VPS41: variants seen among roughly 807,000 people sequenced by gnomAD.
VPS41 encodes the protein vacuolar protein sorting-associated protein 41 homolog.
Under a neutral mutation model 130.9 loss-of-function variants are expected in VPS41, and 85 were observed. That is an observed-to-expected ratio of 0.65 (90% CI 0.55 to 0.78). The LOEUF (loss-of-function observed/expected upper bound fraction) is 0.78, where lower values mean the gene tolerates loss of function less well. Ranked by LOEUF, VPS41 falls within the 30% of genes least tolerant of loss-of-function variation. The probability of loss-of-function intolerance (pLI) is 0.00; values close to 1 mark genes in which losing one functional copy is unlikely to be tolerated. For missense variants in VPS41, 874 were observed against 1,018.7 expected (o/e 0.86, Z 1.93); for synonymous variants, 335 against 332.9 (o/e 1.01, Z -0.07).
At chr7:38,774,325 A>G (rs1784213947) in intron 11 of VPS41, 81 bp from the exon 12 acceptor site, 2 of 1,318,524 alleles carry the variant, frequency 1.5e-6, no homozygotes, top group Admixed American at 4.7e-5. Context: ...AGCCATACAT[A>G]TTAGTTTCTT....
At chr7:38,908,683 T>C (rs1191692986) in intron 1 of VPS41, among the ~76,000 whole-genome samples, 1 of 152,214 alleles carries the variant, frequency 6.6e-6, no homozygotes. Flanking sequence ...ATGCATTTAA[T>C]CCCTGCTGCA....
intron 2 of VPS41, among the ~76,000 whole-genome samples, chr7:38,887,730 G>A (rs1311199375): frequency 6.6e-6 from 1 of 152,138 alleles, no homozygotes; most frequent in Non-Finnish European, 1.5e-5. Flanking sequence ...ATAATTGTCA[G>A]ATTCACCAAG....
rs200023624 is a variant in VPS41 at position 38,726,222 on chromosome 7, A to T, written c.*24T>A. The T allele has an allele frequency of 3.4e-5, 53 of 1,559,310 alleles. No individual in the cohort carries two copies. In the Admixed American group the frequency reaches 4.5e-4, roughly 13 times the overall value. On this transcript the variant is annotated 3_prime_UTR_variant, in exon 29 of 29. Transcript: ENST00000310301. ...AACAGTCTCAAAAAGAGTGGTGACAAGGAGACTGACAAGGAGAAATGAGCT... is the reference window on the plus strand; with the variant it reads ...AACAGTCTCAAAAAGAGTGGTGACATGGAGACTGACAAGGAGAAATGAGCT...
intron 4 of VPS41, among the ~76,000 whole-genome samples, chr7:38,848,123 G>A (rs1172314972): frequency 6.6e-6 from 1 of 152,158 alleles, no homozygotes; most frequent in Non-Finnish European, 1.5e-5. Flanking sequence ...CATTTTCCAA[G>A]CAGTCTCTCA....
At chr7:38,814,316 C>A (rs1784996678) in intron 7 of VPS41, among the ~76,000 whole-genome samples, 1 of 152,192 alleles carries the variant, frequency 6.6e-6, no homozygotes, top group Non-Finnish European at 1.5e-5. Context: ...GTATCCCTTG[C>A]AGCAGAAAAG....
intron 4 of VPS41, among the ~76,000 whole-genome samples, chr7:38,859,739 C>T (rs879542468): frequency 7.2e-5 from 11 of 152,152 alleles, no homozygotes; most frequent in Admixed American, 2.0e-4. Flanking sequence ...ATGCATCCCA[C>T]TGTTAAACGA....
At chr7:38,804,851 G>A (rs1784808407) in intron 7 of VPS41, among the ~76,000 whole-genome samples, 1 of 152,306 alleles carries the variant, frequency 6.6e-6, no homozygotes, top group Middle Eastern at 3.4e-3. Flanking sequence ...CACTTTCTAA[G>A]TAATTTTACC....
intron 14 of VPS41, among the ~76,000 whole-genome samples, chr7:38,769,898 T>C (rs1008150880): frequency 1.2e-4 from 18 of 152,176 alleles, no homozygotes; most frequent in African/African-American, 4.1e-4. Flanking sequence ...TTAAATTGAC[T>C]TCTAGATGTT....
At chr7:38,848,847 C>T (rs768041780) in intron 4 of VPS41, among the ~76,000 whole-genome samples, 3 of 152,180 alleles carry the variant, frequency 2.0e-5, no homozygotes, top group Non-Finnish European at 4.4e-5. Flanking sequence ...TATATCACCA[C>T]TGCTCTTTCT....
chr7:38,752,409 C>G, intron 21 of VPS41, 96 bp from the exon 22 acceptor site: 1 of 1,466,708 alleles, frequency 6.8e-7, no homozygotes, highest in Non-Finnish European at 9.3e-7. Context: ...CTCCCATGGA[C>G]AGGTTGGGGG....
At chr7:38,757,238 T>C (rs773557731) in intron 18 of VPS41, among the ~76,000 whole-genome samples, 1 of 152,110 alleles carries the variant, frequency 6.6e-6, no homozygotes, top group Non-Finnish European at 1.5e-5. Flanking sequence ...AAAATGGTCT[T>C]TATTGGGGGT....
intron 2 of VPS41, among the ~76,000 whole-genome samples, chr7:38,894,434 G>C (rs907785650): frequency 6.6e-6 from 1 of 151,812 alleles, no homozygotes; most frequent in African/African-American, 2.4e-5. Context: ...AGAGGCAGCG[G>C]GGGGCACGGA....
Position 38,723,454 on chromosome 7 carries a change from G to T in VPS41, c.*2792C>A, listed in dbSNP as rs923575521. On this transcript the variant is annotated 3_prime_UTR_variant, in exon 29 of 29. Coordinates refer to ENST00000310301, the MANE Select transcript of VPS41 (RefSeq NM_014396.4). ...AGAATAGCTTTCTTGGCTGGGCATG[G>T]TGACTTACGCCTGTAATCCTAACAC... 2.0e-5 allele frequency: 3 copies of T among 152,122 alleles called. No homozygotes were observed. Among genetic ancestry groups the T allele is most frequent in the African/African-American group, 7.2e-5 (3 of 41,418 alleles). The allele number at this position is 152,122 out of a possible 1,614,324, so 9.4% of individuals were successfully genotyped here.
intron 1 of VPS41, among the ~76,000 whole-genome samples, chr7:38,905,180 G>A (rs2116463406): frequency 6.6e-6 from 1 of 152,244 alleles, no homozygotes; most frequent in Middle Eastern, 3.4e-3. Context: ...GGAAGATACA[G>A]ACATGAGTAA....
At chr7:38,769,197 T>C (rs955001079) in intron 14 of VPS41, among the ~76,000 whole-genome samples, 1 of 152,172 alleles carries the variant, frequency 6.6e-6, no homozygotes, top group Non-Finnish European at 1.5e-5. Flanking sequence ...TTCTCTCCTC[T>C]CTCAGCTCCC....
At chr7:38,771,159 A>T in intron 14 of VPS41, 39 bp downstream of exon 14, 3 of 1,400,446 alleles carry the variant, frequency 2.1e-6, no homozygotes, top group Non-Finnish European at 3.0e-6. Context: ...ACTTATTGAA[A>T]GATAAAATTA....
chr7:38,880,543 A>C (rs1437669091), intron 2 of VPS41, among the ~76,000 whole-genome samples: 1 of 152,178 alleles, frequency 6.6e-6, no homozygotes, highest in Non-Finnish European at 1.5e-5. Context: ...TGATGACAAC[A>C]GACTAAACCC....
intron 4 of VPS41, among the ~76,000 whole-genome samples, chr7:38,833,764 T>A (rs1025273346): frequency 2.6e-5 from 4 of 152,146 alleles, no homozygotes; most frequent in African/African-American, 7.2e-5. Flanking sequence ...GAATAAAAAA[T>A]TCCAATTCAA....
At chr7:38,797,124 A>C (rs890987936) in intron 7 of VPS41, 5 of 312,102 alleles carry the variant, frequency 1.6e-5, no homozygotes, top group Non-Finnish European at 3.0e-5. Flanking sequence ...CCAAAACACC[A>C]AGATTCATGG....
Sources: gnomAD v4.1 joint callset for allele counts (sites outside exome capture counted in the v4.1 genomes callset) on GRCh38, gnomAD v4.1.1 for gene constraint, MANE v1.5 for transcripts, NCBI Gene and HGNC (gene_info 2026-07-23, HGNC 2026-07-21) for gene names.